The following COL21A1 variants were observed in gnomAD, a reference collection of about 807,000 sequenced individuals.
The protein encoded by COL21A1 is collagen type XXI alpha 1 chain, also known as collagen alpha-1(XXI) chain.
In COL21A1, 149 loss-of-function variants were observed where a neutral mutation model predicts 137.9. That is an observed-to-expected ratio of 1.08 (90% CI 0.95 to 1.24). The LOEUF (loss-of-function observed/expected upper bound fraction) is 1.24, where lower values mean the gene tolerates loss of function less well. Among genes scored for constraint, COL21A1 ranks in the 50% most tolerant of loss-of-function variants. The probability of loss-of-function intolerance (pLI) is 0.00; values close to 1 mark genes in which losing one functional copy is unlikely to be tolerated. For missense variants in COL21A1, 1,167 were observed against 1,158.4 expected, an observed-to-expected ratio of 1.01 and a Z score of -0.11; for synonymous variants, 456 against 391.5, an observed-to-expected ratio of 1.16 and a Z score of -1.95.
intron 18 of COL21A1, among the ~76,000 whole-genome samples, chr6:56,075,894 G>A (rs183457910): frequency 1.0e-3 from 156 of 151,456 alleles, no homozygotes; most frequent in African/African-American, 3.7e-3. Context: ...AAGAAAAATA[G>A]ACTAAAAAAA....
chr6:56,226,395 A>T (rs1460148341), intron 1 of COL21A1, among the ~76,000 whole-genome samples: 1 of 152,074 alleles, frequency 6.6e-6, no homozygotes, highest in African/African-American at 2.4e-5. Flanking sequence ...AGAGATAGAT[A>T]TTTGTCCCTC....
intron 1 of COL21A1, among the ~76,000 whole-genome samples, chr6:56,211,884 T>G (rs949703998): frequency 1.3e-5 from 2 of 152,106 alleles, no homozygotes; most frequent in Non-Finnish European, 2.9e-5. Context: ...ATTTGTTCAT[T>G]GCATACGTCA....
chr6:56,340,718 T>C (rs1765448134), intron 1 of COL21A1, among the ~76,000 whole-genome samples: 1 of 152,186 alleles, frequency 6.6e-6, no homozygotes, highest in Admixed American at 6.5e-5. Flanking sequence ...ATGAACGACG[T>C]TTTCCAATAT....
intron 7 of COL21A1, among the ~76,000 whole-genome samples, chr6:56,165,513 T>G (rs974454119): frequency 6.6e-6 from 1 of 152,220 alleles, no homozygotes; most frequent in Non-Finnish European, 1.5e-5. Flanking sequence ...CATCAATAAA[T>G]GAAGTATGCA....
intron 1 of COL21A1, among the ~76,000 whole-genome samples, chr6:56,272,824 C>T (rs2152332688): frequency 6.6e-6 from 1 of 152,266 alleles, no homozygotes; most frequent in African/African-American, 2.4e-5. Context: ...CCTTCATCTT[C>T]TGCCACAATT....
chr6:56,175,745 C>A (rs1398454113), intron 3 of COL21A1, among the ~76,000 whole-genome samples: 1 of 152,046 alleles, frequency 6.6e-6, no homozygotes, highest in Admixed American at 6.6e-5. Flanking sequence ...CTATAAAAAT[C>A]CCAATAACGT....
At chr6:56,226,625 C>T (rs1236199700) in intron 1 of COL21A1, among the ~76,000 whole-genome samples, 1 of 151,986 alleles carries the variant, frequency 6.6e-6, no homozygotes, top group Non-Finnish European at 1.5e-5. Context: ...ATTTGAGTCA[C>T]ACTGTGAAAC....
At chr6:56,342,215 G>T (rs1765486683) in intron 1 of COL21A1, among the ~76,000 whole-genome samples, 1 of 152,156 alleles carries the variant, frequency 6.6e-6, no homozygotes, top group Non-Finnish European at 1.5e-5. Flanking sequence ...GAAAGGGCGG[G>T]TAAGTCAGAA....
At chr6:56,349,216 G>A (rs1765658743) in intron 1 of COL21A1, among the ~76,000 whole-genome samples, 1 of 152,122 alleles carries the variant, frequency 6.6e-6, no homozygotes, top group African/African-American at 2.4e-5. Context: ...GAAATTTATG[G>A]TTGGACAACT....
intron 1 of COL21A1, among the ~76,000 whole-genome samples, chr6:56,222,244 G>A (rs1040211784): frequency 6.6e-6 from 1 of 152,058 alleles, no homozygotes; most frequent in African/African-American, 2.4e-5. Flanking sequence ...TTGCACTCTA[G>A]CCTTGGCAAC....
intron 3 of COL21A1, among the ~76,000 whole-genome samples, chr6:56,179,373 C>A (rs1201267764): frequency 3.3e-5 from 5 of 151,852 alleles, no homozygotes; most frequent in Admixed American, 3.3e-4. Context: ...TTTCTAAAAA[C>A]CAAAATTTAT....
At chr6:56,223,497 G>T (rs1780987879) in intron 1 of COL21A1, among the ~76,000 whole-genome samples, 1 of 151,844 alleles carries the variant, frequency 6.6e-6, no homozygotes, top group Non-Finnish European at 1.5e-5. Flanking sequence ...TAGGTACTAG[G>T]TTTATGCAAT....
At chr6:56,290,025 C>T (rs1470821150) in intron 1 of COL21A1, among the ~76,000 whole-genome samples, 1 of 152,108 alleles carries the variant, frequency 6.6e-6, no homozygotes, top group African/African-American at 2.4e-5. Context: ...AGCCCTCTGC[C>T]ACTGGACTGT....
At chr6:56,097,498 T>C (rs1769446341) in intron 17 of COL21A1, among the ~76,000 whole-genome samples, 1 of 151,092 alleles carries the variant, frequency 6.6e-6, no homozygotes, top group African/African-American at 2.4e-5. Flanking sequence ...AAGCTAAACA[T>C]TACAGGGGTG....
intron 5 of COL21A1, 112 bp from the exon 6 acceptor site, chr6:56,168,409 G>C: frequency 1.2e-6 from 1 of 815,968 alleles, no homozygotes; most frequent in East Asian, 2.8e-5. Context: ...ATCCCACACA[G>C]ACTGACTGTA....
intron 10 of COL21A1, among the ~76,000 whole-genome samples, chr6:56,155,900 G>T (rs1775707606): frequency 6.6e-6 from 1 of 152,188 alleles, no homozygotes; most frequent in Non-Finnish European, 1.5e-5. Context: ...ACCATGCCCA[G>T]CCAAAAGCTA....
At chr6:56,216,718 C>A (rs1438194974) in intron 1 of COL21A1, among the ~76,000 whole-genome samples, 4 of 152,064 alleles carry the variant, frequency 2.6e-5, no homozygotes, top group Non-Finnish European at 5.9e-5. Flanking sequence ...AATATTGAAG[C>A]TATACTTTCC....
At chr6:56,279,844 C>T (rs1432925231) in intron 1 of COL21A1, among the ~76,000 whole-genome samples, 1 of 152,160 alleles carries the variant, frequency 6.6e-6, no homozygotes. Flanking sequence ...ATAACTTTCC[C>T]TTTATCTGTA....
At chr6:56,308,340 G>T (rs1273780810) in intron 1 of COL21A1, among the ~76,000 whole-genome samples, 1 of 152,182 alleles carries the variant, frequency 6.6e-6, no homozygotes, top group East Asian at 1.9e-4. Flanking sequence ...GGACTTCCCA[G>T]CCCCCAGGAC....
Sources: gnomAD v4.1 joint callset for allele counts (sites outside exome capture counted in the v4.1 genomes callset) on GRCh38, gnomAD v4.1.1 for gene constraint, MANE v1.5 for transcripts, NCBI Gene and HGNC (gene_info 2026-07-23, HGNC 2026-07-21) for gene names.